The following MTFMT variants were observed in gnomAD, a reference collection of about 807,000 sequenced individuals.
The protein encoded by MTFMT is mitochondrial methionyl-tRNA formyltransferase.
A neutral mutation model predicts 51.8 loss-of-function variants in MTFMT; 47 were observed. The ratio of observed to expected loss-of-function variants is 0.91; its 90% CI spans 0.72 to 1.16. MTFMT has a LOEUF of 1.16. Ranked by LOEUF, MTFMT falls within the 50% of genes most tolerant of loss-of-function variation. MTFMT has a pLI of 0.00. For synonymous variants in MTFMT, 196 were observed against 176.7 expected (o/e 1.11, Z -0.87); for missense variants, 512 against 482.3 (o/e 1.06, Z -0.58).
At chr15:65,009,854 A>G (rs1286739778) in intron 6 of MTFMT, among the ~76,000 whole-genome samples, 1 of 151,968 alleles carries the variant, frequency 6.6e-6, no homozygotes, top group Non-Finnish European at 1.5e-5. Flanking sequence ...GGGTTTCACC[A>G]TGTTGCCCAG....
In MTFMT at chr15:65,029,569, A is replaced by C. The variant is rs1056056384; in HGVS notation, c.45T>G (p.His15Gln). Reference protein sequence around the residue: ...VRRCWGPPLAHGARRGRPSPQ... With the variant: ...VRRCWGPPLAQGARRGRPSPQ... ...GACTCGGCCTCCCACGCCTGGCGCC[A>C]TGAGCCAGCGGAGGACCCCAACAGC... The change falls in exon 1 of 9, where the codon CAT becomes CAG. Residue 15 changes from histidine (H) to glutamine (Q), a missense_variant. By Grantham distance (24) the His-to-Gln change is conservative. Transcript: ENST00000220058. 4.7e-6 allele frequency: 7 copies of C among 1,501,204 alleles called. No homozygotes were observed. The highest frequency in any genetic ancestry group is 6.2e-6 in the Non-Finnish European group (7 of 1,125,418). 93.0% of individuals were successfully genotyped at this position (1,501,204 alleles called of 1,614,324 possible).
At position 65,004,161 on chromosome 15, in the gene MTFMT, C is replaced by T. The variant is rs543448095; in HGVS notation, c.975+693G>A. ...CCTCCCAAGTAGCTGGGATTACAGG[C>T]GTCTGCCACCACGCTCGACTAATTT... On this transcript the variant is annotated intron_variant, in intron 8 of 8. Coordinates refer to ENST00000220058, the MANE Select transcript of MTFMT (RefSeq NM_139242.4). Among the ~76,000 whole-genome samples, 12 of 152,028 alleles carry T rather than the reference C, an allele frequency of 7.9e-5. No individual in the cohort carries two copies. In the East Asian group the frequency reaches 1.6e-3, roughly 20 times the overall value.
In MTFMT at chr15:65,022,731, G is replaced by A. The variant is rs111692962; in HGVS notation, c.542+941C>T. Among the ~76,000 whole-genome samples the A allele has an allele frequency of 5.5e-3, 800 of 145,870 alleles. 11 individuals are homozygous for A. Among genetic ancestry groups the A allele is most frequent in the African/African-American group, 0.02 (760 of 38,828 alleles). On this transcript the variant is annotated intron_variant, in intron 3 of 8. Transcript: ENST00000220058. ...TTTTTTTTTTTTTTTTTTTGAGACA[G>A]GTTCTTGCTCCGTCGCCCAGGCTGG...
chr15:65,004,722 A>G (rs2086207571), intron 8 of MTFMT, 132 bp downstream of exon 8: 1 of 474,924 alleles, frequency 2.1e-6, no homozygotes, highest in Non-Finnish European at 3.6e-6. Flanking sequence ...CTATTTCTTA[A>G]GAAAATTAAA....
At chr15:65,023,284 T>C (rs1424620721) in intron 3 of MTFMT, among the ~76,000 whole-genome samples, 1 of 152,190 alleles carries the variant, frequency 6.6e-6, no homozygotes, top group African/African-American at 2.4e-5. Context: ...TGATATACAA[T>C]ATATTCTTAT....
intron 6 of MTFMT, among the ~76,000 whole-genome samples, chr15:65,014,719 C>T (rs1368716204): frequency 6.6e-6 from 1 of 151,574 alleles, no homozygotes; most frequent in Non-Finnish European, 1.5e-5. Context: ...CCTCTGTCTC[C>T]TAGGTTCAAG....
intron 8 of MTFMT, among the ~76,000 whole-genome samples, chr15:65,004,348 A>T (rs1437106180): frequency 6.6e-6 from 1 of 152,124 alleles, no homozygotes; most frequent in Non-Finnish European, 1.5e-5. Flanking sequence ...ATCTCACATG[A>T]ACACCATATG....
chr15:65,008,852 T>TA (rs1176716526), intron 6 of MTFMT, among the ~76,000 whole-genome samples: 2 of 152,176 alleles, frequency 1.3e-5, no homozygotes, highest in East Asian at 3.8e-4. Context: ...GCTTACTGAC[T>TA]AAAAAAGATT....
chr15:65,004,402 A>C lies in MTFMT; in HGVS notation c.975+452T>G, dbSNP rs566886092. On this transcript the variant is annotated intron_variant, in intron 8 of 8. Coordinates refer to ENST00000220058, the MANE Select transcript of MTFMT (RefSeq NM_139242.4). Reference sequence around the variant, plus strand: ...ATGGAAGGAATGTAGAACACTTCTCAGAACACACCATGATCTTATAAAACA... The same window carrying C: ...ATGGAAGGAATGTAGAACACTTCTCCGAACACACCATGATCTTATAAAACA... Among the ~76,000 whole-genome samples, 3 of 152,336 alleles carry C rather than the reference A, an allele frequency of 2.0e-5. No homozygotes were observed. The South Asian group carries it at 6.2e-4, about 32-fold the overall frequency.
At chr15:65,011,421 T>G (rs1165912845) in intron 6 of MTFMT, among the ~76,000 whole-genome samples, 1 of 151,720 alleles carries the variant, frequency 6.6e-6, no homozygotes, top group Non-Finnish European at 1.5e-5. Flanking sequence ...AATTCTTTAC[T>G]CTGGATATTA....
chr15:65,029,580 G>C lies in MTFMT; in HGVS notation c.34C>G (p.Pro12Ala), dbSNP rs933296601. The C allele has an allele frequency of 2.0e-6, 3 of 1,498,578 alleles. No homozygotes were observed. The highest frequency in any genetic ancestry group is 2.5e-5 in the South Asian group (2 of 79,972). 92.8% of individuals were successfully genotyped at this position (1,498,578 alleles called of 1,614,324 possible). The change falls in exon 1 of 9, where the codon CCG (proline) becomes GCG (alanine). Residue 12 changes from proline (P) to alanine (A), a missense_variant. By Grantham distance (27) the Pro-to-Ala change is conservative (BLOSUM62 -1). Coordinates refer to ENST00000220058, the MANE Select transcript of MTFMT (RefSeq NM_139242.4). ...RVLVRRCWGPPLAHGARRGRP... is the reference protein window; with the variant it reads ...RVLVRRCWGPALAHGARRGRP... ...CCACGCCTGGCGCCATGAGCCAGCG[G>C]AGGACCCCAACAGCGCCGCACCAAC...
At chr15:65,014,667 G>A (rs1290534464) in intron 6 of MTFMT, among the ~76,000 whole-genome samples, 10 of 140,116 alleles carry the variant, frequency 7.1e-5, no homozygotes, top group Non-Finnish European at 1.4e-4. Flanking sequence ...TTGCTCTGTC[G>A]CCCAGGCTGG....
Position 65,004,921 on chromosome 15 carries a change from C to A in MTFMT, c.908G>T (p.Gly303Val). 2 of 1,611,430 alleles carry A rather than the reference C, an allele frequency of 1.2e-6. No homozygotes were observed. The highest frequency in any genetic ancestry group is 2.2e-5 in the South Asian group (2 of 90,882). Residue 303 changes from glycine (G) to valine (V), a missense_variant, in exon 8 of 9, where the codon GGA becomes GTA. By Grantham distance (109) the Gly-to-Val change is moderately radical. Coordinates refer to ENST00000220058, the MANE Select transcript of MTFMT (RefSeq NM_139242.4). ...TACTGATCCTGGAATAAGAGCCTGTCCCGTTAATTTTGGATCTGAAGAATG... is the reference window on the plus strand; with the variant it reads ...TACTGATCCTGGAATAAGAGCCTGTACCGTTAATTTTGGATCTGAAGAATG... ...SSVLADPKLT[G>V]QALIPGSVIY...
chr15:65,027,728 C>T (rs1250050224), intron 1 of MTFMT, among the ~76,000 whole-genome samples: 1 of 151,886 alleles, frequency 6.6e-6, no homozygotes, highest in South Asian at 2.1e-4. Context: ...GTTAAATATA[C>T]GTATATTTGT....
chr15:65,011,020 T>C (rs1364044788), intron 6 of MTFMT, among the ~76,000 whole-genome samples: 3 of 152,064 alleles, frequency 2.0e-5, no homozygotes, highest in Non-Finnish European at 4.4e-5. Context: ...ATGTATCTGC[T>C]TGAAACAAAT....
At chr15:65,012,577 T>C (rs904347481) in intron 6 of MTFMT, among the ~76,000 whole-genome samples, 2 of 152,092 alleles carry the variant, frequency 1.3e-5, no homozygotes, top group African/African-American at 4.8e-5. Context: ...TGTAAATATT[T>C]TTAGTAGAGA....
intron 8 of MTFMT, among the ~76,000 whole-genome samples, chr15:65,004,343 A>C (rs1433974296): frequency 1.3e-5 from 2 of 152,166 alleles, no homozygotes; most frequent in African/African-American, 4.8e-5. Flanking sequence ...GAAATATCTC[A>C]CATGAACACC....
chr15:65,022,993 T>C (rs1264011101), intron 3 of MTFMT, among the ~76,000 whole-genome samples: 2 of 152,162 alleles, frequency 1.3e-5, no homozygotes, highest in Non-Finnish European at 2.9e-5. Flanking sequence ...CTGGCTCAGA[T>C]TTTAGAACTA....
At position 65,020,213 on chromosome 15, in the gene MTFMT, C is replaced by A; in HGVS notation, c.705G>T (p.Met235Ile). The A allele has an allele frequency of 6.2e-7, 1 of 1,612,474 alleles. No homozygotes were observed. The highest frequency in any genetic ancestry group is 1.7e-5 in the Admixed American group (1 of 59,830). The change falls in exon 5 of 9, where the codon ATG (methionine) becomes ATT (isoleucine). Residue 235 changes from methionine (M) to isoleucine (I), a missense_variant. By Grantham distance (10) the Met-to-Ile change is conservative. Coordinates refer to ENST00000220058, the MANE Select transcript of MTFMT (RefSeq NM_139242.4). ...TTCACTCACCGTAAGTCGCCCCCTC[C>A]ATTGGCTGCTGCCTTCCATTGCTCA... ...ESLSNGRQQP[M>I]EGATYAPKIS...
Sources: gnomAD v4.1 joint callset for allele counts (sites outside exome capture counted in the v4.1 genomes callset) on GRCh38, gnomAD v4.1.1 for gene constraint, MANE v1.5 for transcripts, NCBI Gene and HGNC (gene_info 2026-07-23, HGNC 2026-07-21) for gene names.